UQCC6: variants seen among roughly 807,000 people sequenced by gnomAD.
The protein encoded by UQCC6 is protein BRAWNIN.
chr12:103,965,623 CCCT>C, the UQCC6 span: 6 of 199,274 alleles, frequency 3.0e-5, no homozygotes, highest in Non-Finnish European at 6.1e-5. Flanking sequence ...AAGGACAGCA[CCCT>C]ATCGCCCACG....
At chr12:103,963,516 C>A in the UQCC6 span, among the ~76,000 whole-genome samples, 3 of 152,178 alleles carry the variant, frequency 2.0e-5, 1 homozygote, top group African/African-American at 7.2e-5. Flanking sequence ...AAAACGCTTA[C>A]CTGGATTTTG....
chr12:103,951,303 C>A, the UQCC6 span: 1 of 408,530 alleles, frequency 2.4e-6, no homozygotes, highest in Non-Finnish European at 4.4e-6. Context: ...AAACATCTTC[C>A]AAACCATATT....
chr12:103,951,699 A>G, the UQCC6 span: 1 of 851,552 alleles, frequency 1.2e-6, no homozygotes, highest in Non-Finnish European at 1.8e-6. Flanking sequence ...AATGTAACCT[A>G]GAAGACTTTA....
the UQCC6 span, among the ~76,000 whole-genome samples, chr12:103,961,401 T>C: frequency 1.3e-5 from 2 of 152,146 alleles, no homozygotes; most frequent in African/African-American, 4.8e-5. Context: ...GTGTACAGTG[T>C]TTATAAAGTC....
At chr12:103,961,958 G>A in the UQCC6 span, among the ~76,000 whole-genome samples, 1 of 152,178 alleles carries the variant, frequency 6.6e-6, no homozygotes, top group Non-Finnish European at 1.5e-5. Context: ...ATGCTGAACA[G>A]GTTTGTAGCC....
At chr12:103,962,774 C>CT in the UQCC6 span, among the ~76,000 whole-genome samples, 2 of 152,208 alleles carry the variant, frequency 1.3e-5, no homozygotes, top group Non-Finnish European at 1.5e-5. Flanking sequence ...AGCACACTGC[C>CT]TATGGGGCAG....
At chr12:103,957,543 C>T in the UQCC6 span, among the ~76,000 whole-genome samples, 1 of 152,026 alleles carries the variant, frequency 6.6e-6, no homozygotes. Flanking sequence ...GGGAGGTCAC[C>T]CTCCTGTGAC....
At chr12:103,956,541 T>TG in the UQCC6 span, 1 of 845,666 alleles carries the variant, frequency 1.2e-6, no homozygotes, top group Non-Finnish European at 1.9e-6. Flanking sequence ...GCATCTGCAT[T>TG]GCTATAAAGG....
At chr12:103,956,377 T>G in the UQCC6 span, 1 of 368,338 alleles carries the variant, frequency 2.7e-6, no homozygotes, top group South Asian at 5.1e-5. Context: ...AGGCCACAGG[T>G]AGGCAGCGGC....
At chr12:103,958,208 T>G in the UQCC6 span, among the ~76,000 whole-genome samples, 1 of 144,176 alleles carries the variant, frequency 6.9e-6, no homozygotes, top group Non-Finnish European at 1.5e-5. Context: ...AGAGCAAGAC[T>G]CCGTCTCAAA....
the UQCC6 span, chr12:103,955,573 G>A: frequency 1.7e-4 from 57 of 338,812 alleles, no homozygotes; most frequent in African/African-American, 1.2e-3. Context: ...ATGTGAGGCT[G>A]CGGTGAGCTG....
chr12:103,950,315 ACC>A, the UQCC6 span: 1 of 142,420 alleles, frequency 7.0e-6, no homozygotes, highest in Non-Finnish European at 1.5e-5. Context: ...TTCGATCAAC[ACC>A]TGAGAAAGGA....
At chr12:103,960,448 C>T in the UQCC6 span, among the ~76,000 whole-genome samples, 2 of 152,124 alleles carry the variant, frequency 1.3e-5, no homozygotes, top group African/African-American at 4.8e-5. Context: ...CCTTCAAATC[C>T]TCTCCAACAT....
the UQCC6 span, among the ~76,000 whole-genome samples, chr12:103,959,285 A>C: frequency 2.0e-5 from 3 of 152,322 alleles, no homozygotes; most frequent in African/African-American, 7.2e-5. Flanking sequence ...GATAGATATA[A>C]AGCTACTATG....
the UQCC6 span, among the ~76,000 whole-genome samples, chr12:103,960,195 C>T: frequency 2.0e-5 from 3 of 152,068 alleles, no homozygotes; most frequent in Non-Finnish European, 2.9e-5. Flanking sequence ...CTCAGCCTCC[C>T]GAGTAGCTTG....
chr12:103,950,703 T>A, the UQCC6 span: 1 of 152,176 alleles, frequency 6.6e-6, no homozygotes, highest in African/African-American at 2.4e-5. Flanking sequence ...TTATTGGAAG[T>A]CACTTAGAAC....
chr12:103,951,802 C>T, the UQCC6 span, among the ~76,000 whole-genome samples: 2 of 152,172 alleles, frequency 1.3e-5, no homozygotes, highest in Non-Finnish European at 2.9e-5. Flanking sequence ...CCCTTTCTAA[C>T]CCTGTGTTTA....
chr12:103,963,503 C>T, the UQCC6 span, among the ~76,000 whole-genome samples: 1 of 152,098 alleles, frequency 6.6e-6, no homozygotes, highest in Non-Finnish European at 1.5e-5. Context: ...CAATTTCTAC[C>T]CAAAAACGCT....
the UQCC6 span, chr12:103,953,708 C>A: frequency 1.6e-6 from 1 of 644,126 alleles, no homozygotes. Flanking sequence ...ACCACCCAAT[C>A]AAACTGAGGT....
Sources: gnomAD v4.1 joint callset for allele counts (sites outside exome capture counted in the v4.1 genomes callset) on GRCh38, gnomAD v4.1.1 for gene constraint, MANE v1.5 for transcripts, NCBI Gene and HGNC (gene_info 2026-07-23, HGNC 2026-07-21) for gene names.